The following CACNB2 variants were observed in gnomAD, a reference collection of about 807,000 sequenced individuals.
CACNB2 encodes the protein voltage-dependent L-type calcium channel subunit beta-2.
A neutral mutation model predicts 73.3 loss-of-function variants in CACNB2; 42 were observed. The observed-to-expected ratio is 0.57, with a 90% CI of 0.45 to 0.74. The LOEUF (loss-of-function observed/expected upper bound fraction) is 0.74. CACNB2 is among the 30% of genes least tolerant of loss of function. The pLI, the probability that CACNB2 is intolerant of heterozygous loss-of-function variation, is 0.00. For synonymous variants in CACNB2, 348 were observed against 310.3 expected, an observed-to-expected ratio of 1.12 and a Z score of -1.28; for missense variants, 940 against 853.0, an observed-to-expected ratio of 1.10 and a Z score of -1.27.
intron 3 of CACNB2, among the ~76,000 whole-genome samples, chr10:18,421,075 A>T (rs958451352): frequency 2.0e-5 from 3 of 152,152 alleles, no homozygotes; most frequent in Admixed American, 6.5e-5. Context: ...TTCCCCAAAA[A>T]ATTCATATGT....
chr10:18,202,925 C>G (rs1385656812), intron 2 of CACNB2, among the ~76,000 whole-genome samples: 1 of 152,156 alleles, frequency 6.6e-6, no homozygotes, highest in Non-Finnish European at 1.5e-5. Flanking sequence ...CCTATTATCT[C>G]TGTTGTTAAG....
At chr10:18,488,336 G>A (rs984461684) in intron 3 of CACNB2, among the ~76,000 whole-genome samples, 7 of 151,284 alleles carry the variant, frequency 4.6e-5, no homozygotes, top group African/African-American at 7.3e-5. Flanking sequence ...TTAGCCAGGC[G>A]TGGTGGCAGG....
At chr10:18,229,026 G>A (rs2036125939) in intron 2 of CACNB2, among the ~76,000 whole-genome samples, 1 of 152,198 alleles carries the variant, frequency 6.6e-6, no homozygotes, top group Admixed American at 6.5e-5. Flanking sequence ...ACAGGCATGA[G>A]CCACCGCATC....
intron 3 of CACNB2, among the ~76,000 whole-genome samples, chr10:18,437,207 T>G (rs1005883763): frequency 8.5e-5 from 13 of 152,226 alleles, no homozygotes; most frequent in Admixed American, 2.0e-4. Flanking sequence ...AGGGGTTAGG[T>G]GACCCAGTAT....
intron 2 of CACNB2, among the ~76,000 whole-genome samples, chr10:18,310,592 CA>C (rs2039919829): frequency 3.6e-5 from 1 of 27,964 alleles, no homozygotes; most frequent in Non-Finnish European, 6.9e-5. Flanking sequence ...GCAATAATAG[CA>C]AAACTCCATC....
chr10:18,199,671 C>G (rs1160582792), intron 2 of CACNB2, among the ~76,000 whole-genome samples: 1 of 152,070 alleles, frequency 6.6e-6, no homozygotes, highest in Non-Finnish European at 1.5e-5. Flanking sequence ...AAATGAATGC[C>G]TTTGATGGAC....
intron 1 of CACNB2, among the ~76,000 whole-genome samples, chr10:18,146,661 G>C (rs1425180480): frequency 6.6e-6 from 1 of 152,038 alleles, no homozygotes; most frequent in Non-Finnish European, 1.5e-5. Flanking sequence ...TGTATTTTTA[G>C]TAGAGATGGG....
At chr10:18,374,215 G>A (rs771223353) in intron 2 of CACNB2, among the ~76,000 whole-genome samples, 2 of 152,178 alleles carry the variant, frequency 1.3e-5, no homozygotes, top group African/African-American at 4.8e-5. Context: ...AACATGAGGT[G>A]TTGCCTCTGA....
intron 2 of CACNB2, among the ~76,000 whole-genome samples, chr10:18,191,919 T>C (rs1035235851): frequency 6.6e-5 from 10 of 152,172 alleles, no homozygotes; most frequent in African/African-American, 1.7e-4. Flanking sequence ...AGTGTCTTTT[T>C]AATATAATGT....
intron 2 of CACNB2, among the ~76,000 whole-genome samples, chr10:18,277,482 T>C (rs1205076925): frequency 6.6e-6 from 1 of 152,182 alleles, no homozygotes; most frequent in Admixed American, 6.5e-5. Flanking sequence ...AACACTCTAA[T>C]ACAACGAGGA....
At chr10:18,193,755 C>T (rs1411798592) in intron 2 of CACNB2, among the ~76,000 whole-genome samples, 1 of 152,088 alleles carries the variant, frequency 6.6e-6, no homozygotes, top group African/African-American at 2.4e-5. Context: ...CAGATAAACT[C>T]CTAGATTCAT....
chr10:18,430,941 A>G (rs917763340), intron 3 of CACNB2, among the ~76,000 whole-genome samples: 4 of 152,138 alleles, frequency 2.6e-5, no homozygotes, highest in East Asian at 1.9e-4. Context: ...TTTTGTAATT[A>G]TATTTCTATT....
chr10:18,170,809 T>C (rs2033170102), intron 2 of CACNB2, among the ~76,000 whole-genome samples: 1 of 152,250 alleles, frequency 6.6e-6, no homozygotes, highest in Non-Finnish European at 1.5e-5. Flanking sequence ...TTGATTATAG[T>C]ATTGTCACAT....
intron 2 of CACNB2, among the ~76,000 whole-genome samples, chr10:18,393,857 T>C (rs2043593887): frequency 6.6e-6 from 1 of 152,210 alleles, no homozygotes; most frequent in African/African-American, 2.4e-5. Flanking sequence ...AGCAGCCAAG[T>C]CTTTCCACAA....
chr10:18,501,749 C>A (rs1299476664), intron 5 of CACNB2, among the ~76,000 whole-genome samples: 4 of 152,154 alleles, frequency 2.6e-5, no homozygotes, highest in African/African-American at 9.7e-5. Flanking sequence ...AGATGCAAAT[C>A]CCTTTGTCAG....
intron 3 of CACNB2, among the ~76,000 whole-genome samples, chr10:18,408,350 T>G (rs765800657): frequency 2.0e-5 from 3 of 148,356 alleles, no homozygotes; most frequent in Non-Finnish European, 4.5e-5. Context: ...GCAATTCTCC[T>G]GCCTCAGCCT....
chr10:18,511,196 G>C (rs11014577), intron 6 of CACNB2, among the ~76,000 whole-genome samples: 82,812 of 151,968 alleles, frequency 0.54, 23,191 homozygotes, highest in African/African-American at 0.67. Flanking sequence ...TTAGGTCTAC[G>C]TAATTAGGAC....
chr10:18,461,294 G>A (rs888784147), intron 3 of CACNB2, among the ~76,000 whole-genome samples: 7 of 152,108 alleles, frequency 4.6e-5, no homozygotes, highest in Non-Finnish European at 1.0e-4. Flanking sequence ...GGTGCCAGGC[G>A]TTATTCCACC....
chr10:18,491,235 G>A (rs2049403268), intron 3 of CACNB2, among the ~76,000 whole-genome samples: 1 of 152,212 alleles, frequency 6.6e-6, no homozygotes, highest in Non-Finnish European at 1.5e-5. Flanking sequence ...CCATGCAGGA[G>A]TGAACTAGGA....
Sources: gnomAD v4.1 joint callset for allele counts (sites outside exome capture counted in the v4.1 genomes callset) on GRCh38, gnomAD v4.1.1 for gene constraint, MANE v1.5 for transcripts, NCBI Gene and HGNC (gene_info 2026-07-23, HGNC 2026-07-21) for gene names.